POF1B: variants seen among roughly 807,000 people sequenced by gnomAD.
POF1B encodes protein POF1B.
A neutral mutation model predicts 55.3 loss-of-function variants in POF1B; 53 were observed. That is an observed-to-expected ratio of 0.96 (90% CI 0.77 to 1.20). POF1B has a LOEUF of 1.20. Ranked by LOEUF, POF1B falls within the 50% of genes most tolerant of loss-of-function variation. The pLI, the probability that POF1B is intolerant of heterozygous loss-of-function variation, is 0.00. For missense variants in POF1B, 478 were observed against 420.5 expected (o/e 1.14, Z -1.20); for synonymous variants, 188 against 148.3 (o/e 1.27, Z -1.95).
intron 16 of POF1B, 169 bp downstream of exon 16, chrX:85,282,034 T>A (rs1931909226): frequency 2.0e-6 from 1 of 494,908 alleles, no homozygotes; most frequent in Non-Finnish European, 2.9e-6. Flanking sequence ...GCCACATGTA[T>A]GAATCTTTCC....
chrX:85,319,878 T>C (rs928446234), intron 7 of POF1B, among the ~76,000 whole-genome samples: 1 of 111,639 alleles, frequency 9.0e-6, no homozygotes, highest in African/African-American at 3.3e-5. Flanking sequence ...ATGATGCTGG[T>C]CTTATAGAAT....
At chrX:85,353,972 A>T (rs1165720197) in intron 4 of POF1B, among the ~76,000 whole-genome samples, 1 of 111,516 alleles carries the variant, frequency 9.0e-6, no homozygotes, top group Non-Finnish European at 1.9e-5. Context: ...GATTACTACA[A>T]ATCCATTGGG....
chrX:85,304,457 C>T lies in POF1B; in HGVS notation c.1452G>A (p.Gln484=). The change falls in exon 14 of 17, where the codon CAG becomes CAA. Residue 484 remains glutamine, a synonymous_variant. Coordinates refer to ENST00000262753, the MANE Select transcript of POF1B (RefSeq NM_024921.4). Reference sequence around the variant, plus strand: ...CTCTCTTTGAAACATCTTTATGGTACTGGTTTAATTGGGACTAAGGATTTA... The same window carrying T: ...CTCTCTTTGAAACATCTTTATGGTATTGGTTTAATTGGGACTAAGGATTTA... ...EICRLRSQLN[Q]YHKDVSKREG... The T allele has an allele frequency of 8.7e-7, 1 of 1,150,851 alleles. No homozygotes were observed. Among genetic ancestry groups the T allele is most frequent in the Non-Finnish European group, 1.2e-6 (1 of 858,831 alleles). 94.8% of individuals were successfully genotyped at this position (1,150,851 alleles called of 1,213,427 possible).
In POF1B at chrX:85,361,324, T is replaced by A. The variant is rs1236328351; in HGVS notation, c.358-1694A>T. Among the ~76,000 whole-genome samples, 27 of 111,667 alleles carry A rather than the reference T, an allele frequency of 2.4e-4. 1 individual carries two copies. The Admixed American group carries it at 2.6e-3, about 11-fold the overall frequency. ...GTATTGCTTAGGTTGTCTTCCAGGG[T>A]TTTTAGAGTTTGGGGTTTTACATTT... On this transcript the variant is annotated intron_variant, in intron 3 of 16. Transcript: ENST00000262753.
rs539099946 is a variant in POF1B, at chrX:85,288,562, G to T, written c.1650-6245C>A. Among the ~76,000 whole-genome samples the T allele has an allele frequency of 3.6e-5, 4 of 111,459 alleles. No individual in the cohort carries two copies. The South Asian group carries it at 1.5e-3, about 42-fold the overall frequency. On this transcript the variant is annotated intron_variant, in intron 15 of 16. Coordinates refer to ENST00000262753, the MANE Select transcript of POF1B (RefSeq NM_024921.4). ...AGGTTGAAAGGCAGTGATATGGTTT[G>T]GCTGTCTCCCCACCAAAATCTCAAC...
intron 7 of POF1B, among the ~76,000 whole-genome samples, chrX:85,330,449 A>T (rs1479128411): frequency 9.0e-6 from 1 of 111,637 alleles, no homozygotes; most frequent in African/African-American, 3.2e-5. Context: ...GACGGTACCT[A>T]ATATCATCAG....
At chrX:85,283,636 T>C (rs1423984039) in intron 15 of POF1B, among the ~76,000 whole-genome samples, 1 of 110,087 alleles carries the variant, frequency 9.1e-6, no homozygotes, top group Non-Finnish European at 1.9e-5. Context: ...AAAAAATAAT[T>C]GACATAATGA....
At chrX:85,372,772 A>ATATATATATATATAT (rs1193270205) in intron 2 of POF1B, among the ~76,000 whole-genome samples, 4 of 101,501 alleles carry the variant, frequency 3.9e-5, no homozygotes, top group African/African-American at 1.4e-4. Flanking sequence ...TATTATATAT[A>ATATATATATATATAT]CTATATATAT....
At chrX:85,365,171 T>C (rs1731899768) in intron 3 of POF1B, among the ~76,000 whole-genome samples, 1 of 112,160 alleles carries the variant, frequency 8.9e-6, no homozygotes, top group Non-Finnish European at 1.9e-5. Flanking sequence ...ATTGTGATTA[T>C]TAGTTTTCTC....
At chrX:85,310,189 T>C (rs772188739) in intron 9 of POF1B, among the ~76,000 whole-genome samples, 1 of 111,530 alleles carries the variant, frequency 9.0e-6, no homozygotes, top group African/African-American at 3.3e-5. Context: ...ACAACAAAAA[T>C]CTCAACCAAT....
intron 2 of POF1B, among the ~76,000 whole-genome samples, chrX:85,377,294 G>A (rs1194011993): frequency 9.0e-6 from 1 of 111,329 alleles, no homozygotes; most frequent in Non-Finnish European, 1.9e-5. Flanking sequence ...CAGGGAGAAA[G>A]GAAAATAAAA....
chrX:85,305,674 T>G (rs1932555169), intron 13 of POF1B, 117 bp downstream of exon 13: 1 of 779,533 alleles, frequency 1.3e-6, no homozygotes, highest in South Asian at 3.3e-5. Context: ...ACATGACATA[T>G]TTCTAAAACT....
rs763212953 is a variant in POF1B, at chrX:85,374,158, A to G, written c.282+5015T>C. Reference sequence around the variant, plus strand: ...TTAAAGTTGTGGAGATTTTAAAATTAATATTCCTAGGGACTCCAACTAGAC... The same window carrying G: ...TTAAAGTTGTGGAGATTTTAAAATTGATATTCCTAGGGACTCCAACTAGAC... On this transcript the variant is annotated intron_variant, in intron 2 of 16. Coordinates refer to ENST00000262753, the MANE Select transcript of POF1B (RefSeq NM_024921.4). 4.5e-5 allele frequency among the ~76,000 whole-genome samples: 5 copies of G among 111,759 alleles called. No individual in the cohort carries two copies. The South Asian group carries it at 1.1e-3, about 25-fold the overall frequency.
rs746372683 is a variant in POF1B, at chrX:85,291,075, A to G, written c.1650-8758T>C. Among the ~76,000 whole-genome samples the G allele has an allele frequency of 3.6e-5, 4 of 112,038 alleles. No homozygotes were observed. In the East Asian group the frequency reaches 1.1e-3, roughly 32 times the overall value. On this transcript the variant is annotated intron_variant, in intron 15 of 16. Transcript: ENST00000262753. ...GGAATTTTATACTTTTGGAGTTTACATTTAAGTCTTTAGTTCATCTTTAGT... is the reference window on the plus strand; with the variant it reads ...GGAATTTTATACTTTTGGAGTTTACGTTTAAGTCTTTAGTTCATCTTTAGT...
Position 85,307,206 on chromosome X carries a change from T to C in POF1B, c.1121A>G (p.Glu374Gly). The change falls in exon 11 of 17, where the codon GAA (glutamate) becomes GGA (glycine). Residue 374 changes from glutamate (E) to glycine (G), a missense_variant. Coordinates refer to ENST00000262753, the MANE Select transcript of POF1B (RefSeq NM_024921.4). ...SFKDTQLKEY[E>G]ELLASVRANN... ...TGCTCTCACTGATGCCAAGAGTTCT[T>C]CGTACTCTTTTAATTGAGTGTCTTT... The C allele has an allele frequency of 8.3e-7, 1 of 1,207,016 alleles. No homozygotes were observed. The highest frequency in any genetic ancestry group is 1.7e-5 in the African/African-American group (1 of 57,720).
At chrX:85,360,148 T>C (rs766906789) in intron 3 of POF1B, among the ~76,000 whole-genome samples, 94 of 108,882 alleles carry the variant, frequency 8.6e-4, no homozygotes, top group South Asian at 1.6e-3. Context: ...TATTTATTTA[T>C]TTATTATTAT....
chrX:85,371,982 C>T (rs767226241), intron 2 of POF1B, among the ~76,000 whole-genome samples: 11 of 111,313 alleles, frequency 9.9e-5, no homozygotes, highest in East Asian at 5.8e-4. Context: ...GTCGTTTATT[C>T]CTGTGGGTCA....
intron 6 of POF1B, among the ~76,000 whole-genome samples, chrX:85,332,615 C>T (rs1347350530): frequency 9.0e-6 from 1 of 111,381 alleles, no homozygotes; most frequent in Non-Finnish European, 1.9e-5. Flanking sequence ...AACCTCTCCT[C>T]TGAATTCAGA....
intron 7 of POF1B, among the ~76,000 whole-genome samples, chrX:85,323,905 A>T (rs1932868761): frequency 1.8e-5 from 2 of 111,302 alleles, no homozygotes; most frequent in Admixed American, 1.9e-4. Flanking sequence ...AGAGGTTCTG[A>T]TATGTTGTAT....
Sources: gnomAD v4.1 joint callset for allele counts (sites outside exome capture counted in the v4.1 genomes callset) on GRCh38, gnomAD v4.1.1 for gene constraint, MANE v1.5 for transcripts, NCBI Gene and HGNC (gene_info 2026-07-23, HGNC 2026-07-21) for gene names.